Variants in ATF1 observed in about 807,000 individuals in gnomAD.
ATF1 encodes cyclic AMP-dependent transcription factor ATF-1.
ATF1 carries 16 observed loss-of-function variants against 34.7 expected under a neutral mutation model. The observed-to-expected ratio is 0.46, with a 90% CI of 0.31 to 0.70. The LOEUF (loss-of-function observed/expected upper bound fraction) is 0.70, where lower values mean the gene tolerates loss of function less well. Among genes scored for constraint, ATF1 ranks in the 30% least tolerant of loss-of-function variants. The pLI, the probability that ATF1 is intolerant of heterozygous loss-of-function variation, is 0.05. For synonymous variants in ATF1, 105 were observed against 113.1 expected, an observed-to-expected ratio of 0.93 and a Z score of 0.46; for missense variants, 255 against 321.6, an observed-to-expected ratio of 0.79 and a Z score of 1.58.
chr12:50,818,641 G>A (rs1282557130), intron 6 of ATF1, among the ~76,000 whole-genome samples: 1 of 152,074 alleles, frequency 6.6e-6, no homozygotes, highest in Non-Finnish European at 1.5e-5. Context: ...ACAGAGTCTT[G>A]CTCTGTTGCC....
chr12:50,786,963 A>G (rs1270664949), intron 2 of ATF1, among the ~76,000 whole-genome samples: 1 of 152,196 alleles, frequency 6.6e-6, no homozygotes, highest in Non-Finnish European at 1.5e-5. Context: ...CCTCTGACAT[A>G]CCAGCCCCAC....
intron 1 of ATF1, among the ~76,000 whole-genome samples, chr12:50,779,493 A>G (rs1383469515): frequency 6.7e-6 from 1 of 149,328 alleles, no homozygotes; most frequent in African/African-American, 2.5e-5. Flanking sequence ...TTTTCAGTGC[A>G]TTTCCTTAAT....
intron 3 of ATF1, among the ~76,000 whole-genome samples, chr12:50,800,856 T>C (rs964717381): frequency 6.6e-6 from 1 of 152,166 alleles, no homozygotes; most frequent in Admixed American, 6.5e-5. Flanking sequence ...TCCCAGCACT[T>C]TGGGAGGCTG....
At position 50,799,092 on chromosome 12, in the gene ATF1, A is replaced by G. The variant is rs180718139; in HGVS notation, c.194+3083A>G. On this transcript the variant is annotated intron_variant, in intron 3 of 6. Coordinates refer to ENST00000262053, the MANE Select transcript of ATF1 (RefSeq NM_005171.5). ...ACACAACCAGATTGATACCTTCTAA[A>G]ACAAGAATATAGTCTAGGTCTGTGG... Among the ~76,000 whole-genome samples the G allele has an allele frequency of 1.7e-4, 26 of 152,314 alleles. No homozygotes were observed. In the East Asian group the frequency reaches 4.4e-3, roughly 26 times the overall value.
chr12:50,804,263 A>G (rs922667127), intron 3 of ATF1, among the ~76,000 whole-genome samples: 2 of 152,252 alleles, frequency 1.3e-5, no homozygotes, highest in African/African-American at 2.4e-5. Context: ...TTAATGTCAT[A>G]TAAGATAGAC....
chr12:50,768,946 C>G (rs1940705596), intron 1 of ATF1, among the ~76,000 whole-genome samples: 1 of 152,198 alleles, frequency 6.6e-6, no homozygotes, highest in Non-Finnish European at 1.5e-5. Context: ...CTAAGCTGTG[C>G]TGGAGAGTCA....
At chr12:50,804,845 G>A (rs1473083083) in intron 3 of ATF1, among the ~76,000 whole-genome samples, 2 of 145,584 alleles carry the variant, frequency 1.4e-5, no homozygotes, top group African/African-American at 2.6e-5. Context: ...GGAGTCTCAC[G>A]CTGTCACCCA....
chr12:50,776,566 TAACTC>T (rs1379316142), intron 1 of ATF1, among the ~76,000 whole-genome samples: 1 of 150,028 alleles, frequency 6.7e-6, no homozygotes, highest in East Asian at 1.9e-4. Flanking sequence ...TATGACCAGA[TAACTC>T]ATACAACTAA....
chr12:50,786,299 C>A (rs1395209826), intron 2 of ATF1, among the ~76,000 whole-genome samples: 15 of 152,162 alleles, frequency 9.9e-5, no homozygotes, highest in Admixed American at 9.8e-4. Flanking sequence ...ATAATAAACT[C>A]ATAGAGGTGG....
intron 2 of ATF1, among the ~76,000 whole-genome samples, chr12:50,782,687 C>CTTTT (rs71086480): frequency 3.9e-5 from 4 of 102,498 alleles, no homozygotes; most frequent in Non-Finnish European, 6.2e-5. Flanking sequence ...TGTGGCCAGC[C>CTTTT]TTTTTTTTTT....
At chr12:50,787,633 T>C (rs1941212655) in intron 2 of ATF1, among the ~76,000 whole-genome samples, 1 of 151,486 alleles carries the variant, frequency 6.6e-6, no homozygotes, top group South Asian at 2.1e-4. Context: ...TCCCAGCTAC[T>C]CAGGAGGCTG....
intron 2 of ATF1, among the ~76,000 whole-genome samples, chr12:50,781,441 G>A (rs940624593): frequency 1.3e-5 from 2 of 151,984 alleles, no homozygotes; most frequent in African/African-American, 4.8e-5. Context: ...ATTTAGAGTT[G>A]TTTTCTTTGT....
chr12:50,799,195 TGTAA>T (rs1418140205), intron 3 of ATF1, among the ~76,000 whole-genome samples: 1 of 152,110 alleles, frequency 6.6e-6, no homozygotes, highest in African/African-American at 2.4e-5. Flanking sequence ...GACCAATCTG[TGTAA>T]CATAAGGAGA....
intron 1 of ATF1, among the ~76,000 whole-genome samples, chr12:50,769,656 A>G (rs1940724595): frequency 6.6e-6 from 1 of 152,186 alleles, no homozygotes; most frequent in Non-Finnish European, 1.5e-5. Flanking sequence ...AGTGTATGTT[A>G]TTAATAATTA....
At chr12:50,808,615 C>A (rs1346583338) in intron 3 of ATF1, among the ~76,000 whole-genome samples, 1 of 152,104 alleles carries the variant, frequency 6.6e-6, no homozygotes, top group Non-Finnish European at 1.5e-5. Context: ...CAGATGGGAG[C>A]CACATGCCCA....
chr12:50,768,158 C>T (rs1051052489), intron 1 of ATF1, among the ~76,000 whole-genome samples: 1 of 152,140 alleles, frequency 6.6e-6, no homozygotes, highest in African/African-American at 2.4e-5. Flanking sequence ...CAGGCATGAG[C>T]CACCGCACCC....
intron 1 of ATF1, among the ~76,000 whole-genome samples, chr12:50,769,803 G>T (rs776462725): frequency 2.0e-5 from 3 of 152,134 alleles, no homozygotes; most frequent in Non-Finnish European, 4.4e-5. Context: ...TTTAGAAGAT[G>T]ATTTATAATC....
intron 3 of ATF1, 59 bp from the exon 4 acceptor site, chr12:50,809,397 T>G: frequency 2.7e-6 from 2 of 735,164 alleles, no homozygotes; most frequent in Non-Finnish European, 2.0e-6. Flanking sequence ...AAAAAAAAAT[T>G]ATTTTTGTGA....
At position 50,820,917 on chromosome 12, in the gene ATF1, A is replaced by G; in HGVS notation, c.*1138A>G. On this transcript the variant is annotated 3_prime_UTR_variant, in exon 7 of 7. Coordinates refer to ENST00000262053, the MANE Select transcript of ATF1 (RefSeq NM_005171.5). ...CATCTCAAAGTATCATTTTTATATT[A>G]TGGGACGTTTTCAGATTGGCTAATA... 2 of 179,742 alleles carry G rather than the reference A, an allele frequency of 1.1e-5. No homozygotes were observed. Among genetic ancestry groups the G allele is most frequent in the Non-Finnish European group, 1.2e-5 (1 of 83,638 alleles). 11.1% of individuals were successfully genotyped at this position (179,742 alleles called of 1,614,324 possible). A position where few individuals can be genotyped will look rare whatever the true frequency, so the allele number is the denominator to read the frequency against.
Sources: allele counts gnomAD v4.1 joint callset (sites outside exome capture counted in the v4.1 genomes callset), GRCh38; gene constraint gnomAD v4.1.1; transcripts MANE v1.5; gene names NCBI Gene and HGNC (gene_info 2026-07-23, HGNC 2026-07-21).